OR56A3: variants seen among roughly 807,000 people sequenced by gnomAD.
The protein encoded by OR56A3 is olfactory receptor 56A3.
A neutral mutation model predicts 17.5 loss-of-function variants in OR56A3; 23 were observed. The observed-to-expected ratio is 1.32, with a 90% CI of 0.95 to 1.87. OR56A3 has a LOEUF of 1.87. Among genes scored for constraint, OR56A3 ranks in the 40% most tolerant of loss-of-function variants. The pLI is 0.00. For synonymous variants in OR56A3, 175 were observed against 150.6 expected, an observed-to-expected ratio of 1.16 and a Z score of -1.19; for missense variants, 366 against 380.1, an observed-to-expected ratio of 0.96 and a Z score of 0.31.
At chr11:6,020,650 C>T in the OR56A3 span, 1 of 152,004 alleles carries the variant, frequency 6.6e-6, no homozygotes, top group Admixed American at 6.6e-5. Context: ...GATTTTTGTA[C>T]ATTAATTTTG....
the OR56A3 span, among the ~76,000 whole-genome samples, chr11:6,006,598 T>C: frequency 5.5e-4 from 83 of 152,278 alleles, 2 homozygotes; most frequent in East Asian, 0.014. Flanking sequence ...TAGATGAATG[T>C]AGGGAAGAAA....
chr11:5,960,407 G>A, the OR56A3 span, among the ~76,000 whole-genome samples: 27 of 152,276 alleles, frequency 1.8e-4, no homozygotes, highest in East Asian at 5.8e-4. Flanking sequence ...TTGCAGGCGC[G>A]CACCGCCACA....
chr11:5,986,448 G>A, the OR56A3 span: 29 of 1,613,866 alleles, frequency 1.8e-5, no homozygotes, highest in Non-Finnish European at 2.4e-5. Context: ...CCATTCCGAT[G>A]CGCCCTATGA....
At chr11:5,972,510 C>G in the OR56A3 span, among the ~76,000 whole-genome samples, 2 of 152,096 alleles carry the variant, frequency 1.3e-5, no homozygotes, top group African/African-American at 4.8e-5. Context: ...GAATCTACTG[C>G]CTGCATCCAG....
chr11:5,964,165 C>T, the OR56A3 span, among the ~76,000 whole-genome samples: 2 of 152,004 alleles, frequency 1.3e-5, no homozygotes, highest in Admixed American at 1.3e-4. Context: ...GTTTATTAAG[C>T]TTCCATAAAA....
At chr11:5,978,418 T>G in the OR56A3 span, among the ~76,000 whole-genome samples, 1 of 152,164 alleles carries the variant, frequency 6.6e-6, no homozygotes, top group Non-Finnish European at 1.5e-5. Context: ...TGTAGAGATA[T>G]TTTATCTCCT....
At chr11:5,944,593 T>G (rs908644046) in intron 1 of OR56A3, among the ~76,000 whole-genome samples, 1 of 152,196 alleles carries the variant, frequency 6.6e-6, no homozygotes, top group African/African-American at 2.4e-5. Context: ...AATGAATTAT[T>G]TAGACCTTTA....
the OR56A3 span, among the ~76,000 whole-genome samples, chr11:5,963,777 T>C: frequency 6.6e-6 from 1 of 152,280 alleles, no homozygotes; most frequent in Non-Finnish European, 1.5e-5. Flanking sequence ...TTCCTTTAAA[T>C]AATATTTCTA....
At chr11:5,995,113 A>G in the OR56A3 span, 11 of 583,460 alleles carry the variant, frequency 1.9e-5, no homozygotes, top group East Asian at 3.3e-4. Flanking sequence ...GACGCAGCCC[A>G]GGGACCGGTA....
chr11:5,992,221 G>A, the OR56A3 span, among the ~76,000 whole-genome samples: 55 of 152,268 alleles, frequency 3.6e-4, no homozygotes, highest in African/African-American at 1.3e-3. Flanking sequence ...GTCGCCTGCT[G>A]GAAGTTCATA....
the OR56A3 span, chr11:5,999,597 T>A: frequency 6.6e-6 from 1 of 152,218 alleles, no homozygotes; most frequent in Admixed American, 6.5e-5. Context: ...CATTTTGTGC[T>A]GGCTAAAAAT....
At chr11:5,968,385 A>T in the OR56A3 span, 1 of 1,613,630 alleles carries the variant, frequency 6.2e-7, no homozygotes, top group Non-Finnish European at 8.5e-7. Flanking sequence ...CAGGAGGAAG[A>T]GGAGGCTGAG....
chr11:5,959,329 T>G, the OR56A3 span, among the ~76,000 whole-genome samples: 11 of 152,156 alleles, frequency 7.2e-5, no homozygotes, highest in African/African-American at 2.7e-4. Flanking sequence ...TTGTTTTCCT[T>G]TTTGTTTTTA....
At chr11:6,003,166 C>T in the OR56A3 span, 1 of 1,505,274 alleles carries the variant, frequency 6.6e-7, no homozygotes, top group Non-Finnish European at 9.0e-7. Flanking sequence ...TATATTTAAC[C>T]AAGTATGTAT....
the OR56A3 span, among the ~76,000 whole-genome samples, chr11:5,962,980 G>T: frequency 6.6e-6 from 1 of 152,098 alleles, no homozygotes; most frequent in African/African-American, 2.4e-5. Flanking sequence ...TAATTTGTTG[G>T]TGTGTAGTTG....
the OR56A3 span, among the ~76,000 whole-genome samples, chr11:5,961,721 G>T: frequency 7.3e-6 from 1 of 137,390 alleles, no homozygotes; most frequent in African/African-American, 2.8e-5. Context: ...CCCCCTCTCC[G>T]AGAAACACCC....
the OR56A3 span, among the ~76,000 whole-genome samples, chr11:5,976,828 A>G: frequency 1.3e-5 from 2 of 152,110 alleles, no homozygotes; most frequent in Non-Finnish European, 2.9e-5. Flanking sequence ...CCAGGTAATG[A>G]GCATAGGACC....
the OR56A3 span, among the ~76,000 whole-genome samples, chr11:5,978,938 G>A: frequency 6.6e-6 from 1 of 152,082 alleles, no homozygotes; most frequent in South Asian, 2.1e-4. Context: ...GATGTTGAAT[G>A]TTATCAAAAG....
the OR56A3 span, among the ~76,000 whole-genome samples, chr11:5,987,585 A>G: frequency 6.6e-6 from 1 of 152,122 alleles, no homozygotes; most frequent in Non-Finnish European, 1.5e-5. Context: ...GGATTAATTC[A>G]CCTATTTTTC....
Sources: allele counts gnomAD v4.1 joint callset (sites outside exome capture counted in the v4.1 genomes callset), GRCh38; gene constraint gnomAD v4.1.1; transcripts MANE v1.5; gene names NCBI Gene and HGNC (gene_info 2026-07-23, HGNC 2026-07-21).